The following SSR1 variants were observed in gnomAD, a reference collection of about 807,000 sequenced individuals.
SSR1 encodes the protein signal sequence receptor subunit 1.
SSR1 carries 13 observed loss-of-function variants against 36.1 expected under a neutral mutation model. That is an observed-to-expected ratio of 0.36 (90% CI 0.23 to 0.57). The LOEUF is 0.57. SSR1 is among the 20% of genes least tolerant of loss of function. The pLI is 0.81. For missense variants in SSR1, 291 were observed against 338.5 expected (o/e 0.86, Z 1.10); for synonymous variants, 113 against 118.9 (o/e 0.95, Z 0.32).
intron 2 of SSR1, among the ~76,000 whole-genome samples, chr6:7,305,653 G>A (rs1758037852): frequency 6.6e-6 from 1 of 152,202 alleles, no homozygotes; most frequent in African/African-American, 2.4e-5. Flanking sequence ...GATGAACACA[G>A]GTGGAAGGGT....
chr6:7,300,296 G>A (rs2182076), intron 4 of SSR1, among the ~76,000 whole-genome samples: 36,996 of 151,978 alleles, frequency 0.24, 4,666 homozygotes, highest in South Asian at 0.32. Flanking sequence ...AAATTTCCTC[G>A]TCTGAAAACT....
At chr6:7,291,272 C>T (rs1757672762) in intron 7 of SSR1, among the ~76,000 whole-genome samples, 1 of 152,138 alleles carries the variant, frequency 6.6e-6, no homozygotes, top group African/African-American at 2.4e-5. Flanking sequence ...GCAGTACACG[C>T]CTGTGATCTC....
At chr6:7,306,891 T>C (rs1443297071) in intron 2 of SSR1, among the ~76,000 whole-genome samples, 1 of 117,206 alleles carries the variant, frequency 8.5e-6, no homozygotes, top group African/African-American at 3.5e-5. Context: ...CACTCCAGCC[T>C]GGGCGACAGA....
rs1757523041 is a variant in SSR1 at position 7,285,223 on chromosome 6, A to G, written c.*4641T>C. ...GTACTGACAGAAGTCTACATAAGGG[A>G]CAGCAGGGGAACAAAAAAAGGCACA... is the stretch of plus-strand genomic sequence containing the variant. On this transcript the variant is annotated 3_prime_UTR_variant, in exon 8 of 8. Coordinates refer to ENST00000244763, the MANE Select transcript of SSR1 (RefSeq NM_003144.5). This position sits in a 1 kb window ranked among gnomAD's most constrained non-coding sequence, Gnocchi z 4.1. The G allele has an allele frequency of 6.6e-6, 1 of 152,234 alleles. No homozygotes were observed. The highest frequency in any genetic ancestry group is 2.1e-4 in the South Asian group (1 of 4,832). The allele number at this position is 152,234 out of a possible 1,614,324, so 9.4% of individuals were successfully genotyped here. A position where few individuals can be genotyped will look rare whatever the true frequency, so the allele number is the denominator to read the frequency against.
In SSR1 at chr6:7,286,493, T is replaced by C. The variant is rs1757557984; in HGVS notation, c.*3371A>G. ...ACCTAACATTCCACCAGTAAGAATC[T>C]TGTTTGTGTGTGAAGCTGCTTTTTA... On this transcript the variant is annotated 3_prime_UTR_variant, in exon 8 of 8. Transcript: ENST00000244763. 1 of 151,224 alleles carries C rather than the reference T, an allele frequency of 6.6e-6. No homozygotes were observed. The highest frequency in any genetic ancestry group is 2.5e-5 in the African/African-American group (1 of 40,548). 9.4% of individuals were successfully genotyped at this position (151,224 alleles called of 1,614,324 possible).
chr6:7,305,551 G>A (rs1758035978), intron 2 of SSR1, among the ~76,000 whole-genome samples: 1 of 152,214 alleles, frequency 6.6e-6, no homozygotes, highest in Non-Finnish European at 1.5e-5. Context: ...AGTATAAGCA[G>A]ATGTGTGGCT....
chr6:7,302,996 C>G (rs1037702585), intron 3 of SSR1, among the ~76,000 whole-genome samples: 4 of 151,148 alleles, frequency 2.6e-5, no homozygotes, highest in Non-Finnish European at 4.4e-5. Context: ...ATTAGCCAGG[C>G]GTGGTGGCAC....
intron 7 of SSR1, 62 bp downstream of exon 7, chr6:7,295,330 C>T: frequency 1.5e-6 from 2 of 1,330,644 alleles, no homozygotes; most frequent in Non-Finnish European, 2.1e-6. Context: ...TAAACTAAAT[C>T]TAAGGTATTT....
chr6:7,292,729 G>A (rs1757709928), intron 7 of SSR1, among the ~76,000 whole-genome samples: 1 of 129,326 alleles, frequency 7.7e-6, no homozygotes, highest in Non-Finnish European at 1.8e-5. Context: ...CTCCTTTAAA[G>A]TGGCTCTTTG....
intron 2 of SSR1, among the ~76,000 whole-genome samples, chr6:7,309,337 C>T (rs1034550487): frequency 1.3e-5 from 2 of 152,134 alleles, no homozygotes; most frequent in Non-Finnish European, 2.9e-5. Flanking sequence ...TGGGGCATGA[C>T]GGTAGTCCTA....
chr6:7,312,671 C>T (rs979787472), intron 1 of SSR1, among the ~76,000 whole-genome samples: 11 of 152,218 alleles, frequency 7.2e-5, no homozygotes, highest in Admixed American at 3.3e-4. Flanking sequence ...AGAAACAGCC[C>T]GGCTGCGGCG....
intron 4 of SSR1, among the ~76,000 whole-genome samples, chr6:7,300,675 C>T (rs1757913000): frequency 6.6e-6 from 1 of 152,186 alleles, no homozygotes; most frequent in Admixed American, 6.5e-5. Flanking sequence ...TGGAGTCTCA[C>T]TCTGTGGCCC....
chr6:7,301,186 C>T, intron 4 of SSR1, 124 bp downstream of exon 4: 1 of 1,194,214 alleles, frequency 8.4e-7, no homozygotes, highest in Non-Finnish European at 1.2e-6. Context: ...CTTTGCTTCC[C>T]TGGTGGCTAT....
At chr6:7,307,724 A>G (rs879601598) in intron 2 of SSR1, among the ~76,000 whole-genome samples, 3 of 152,128 alleles carry the variant, frequency 2.0e-5, no homozygotes, top group Non-Finnish European at 2.9e-5. Context: ...ATGGTGTCAC[A>G]CTATTTTGGC....
rs896724765 is a variant in SSR1, at chr6:7,283,966, A to G, written c.*5898T>C. 1.3e-5 allele frequency: 2 copies of G among 152,208 alleles called. No homozygotes were observed. Among genetic ancestry groups the G allele is most frequent in the Non-Finnish European group, 2.9e-5 (2 of 68,050 alleles). 9.4% of individuals were successfully genotyped at this position (152,208 alleles called of 1,614,324 possible). On this transcript the variant is annotated 3_prime_UTR_variant, in exon 8 of 8. Coordinates refer to ENST00000244763, the MANE Select transcript of SSR1 (RefSeq NM_003144.5). ...TACCTAGGGCAGTTGTGAAGATGAA[A>G]TGAGGATGTGTGTGGAAGGGCAGAG... is the stretch of plus-strand genomic sequence containing the variant.
intron 7 of SSR1, chr6:7,295,028 G>T: frequency 7.2e-7 from 1 of 1,397,146 alleles, no homozygotes. Context: ...AAATATTTAC[G>T]TGCTATTTGA....
intron 2 of SSR1, among the ~76,000 whole-genome samples, chr6:7,306,740 C>T (rs567923024): frequency 2.9e-3 from 443 of 151,680 alleles, no homozygotes; most frequent in Non-Finnish European, 4.5e-3. Context: ...CATGGTGAAA[C>T]CCCGTCTCTA....
chr6:7,299,238 A>C (rs1017824116), intron 4 of SSR1, among the ~76,000 whole-genome samples: 1 of 152,232 alleles, frequency 6.6e-6, no homozygotes, highest in Non-Finnish European at 1.5e-5. Context: ...AATAAAAATG[A>C]GATAAAACGT....
chr6:7,292,251 C>G (rs1757700935), intron 7 of SSR1, among the ~76,000 whole-genome samples: 2 of 152,198 alleles, frequency 1.3e-5, no homozygotes, highest in Non-Finnish European at 2.9e-5. Context: ...CCAAACACAT[C>G]TCTCCTCATC....
Sources: gnomAD v4.1 joint callset for allele counts (sites outside exome capture counted in the v4.1 genomes callset) on GRCh38, gnomAD v4.1.1 for gene constraint, Gnocchi (gnomAD v3.1) non-coding constraint, MANE v1.5 for transcripts, NCBI Gene and HGNC (gene_info 2026-07-23, HGNC 2026-07-21) for gene names.